The following SON variants were observed in gnomAD, a reference collection of about 807,000 sequenced individuals.
The protein encoded by SON is protein SON.
In SON, 4 loss-of-function variants were observed where a neutral mutation model predicts 173.3. The observed-to-expected ratio is 0.02, with a 90% CI of 0.01 to 0.05. The LOEUF is 0.05. SON is among the 10% of genes least tolerant of loss of function. The pLI, the probability that SON is intolerant of heterozygous loss-of-function variation, is 1.00. For missense variants in SON, 2,626 were observed against 3,055.3 expected, an observed-to-expected ratio of 0.86 and a Z score of 3.31; for synonymous variants, 1,190 against 1,105.9, an observed-to-expected ratio of 1.08 and a Z score of -1.51.
chr21:33,550,076 C>G lies in SON; in HGVS notation c.845C>G (p.Thr282Arg), dbSNP rs767183478. The G allele has an allele frequency of 1.2e-6, 2 of 1,614,098 alleles. No homozygotes were observed. The highest frequency in any genetic ancestry group is 2.2e-5 in the South Asian group (2 of 91,088). Residue 282 changes from threonine to arginine, a missense_variant, in exon 3 of 12, where the codon ACA becomes AGA. Transcript: ENST00000356577. ...TCTGTGCTGAAATCTGTGGAGAGCA[C>G]ATCTCCAGAGCCATCAAAGATCATG... The part of the protein sequence containing the change: ...MKSVLKSVES[T>R]SPEPSKIMLV...
In SON at chr21:33,549,996, G is replaced by T; in HGVS notation, c.765G>T (p.Leu255=). The T allele has an allele frequency of 6.2e-7, 1 of 1,614,110 alleles. No homozygotes were observed. The highest frequency in any genetic ancestry group is 8.5e-7 in the Non-Finnish European group (1 of 1,180,024). ...FAAAPVPTTT[L]VLKSSEPVVT... ...CAGCACCAGTGCCTACTACAACACT[G>T]GTGTTGAAGTCATCTGAGCCAGTTG... The change falls in exon 3 of 12, where the codon CTG becomes CTT. Residue 255 remains leucine, a synonymous_variant. Coordinates refer to ENST00000356577, the MANE Select transcript of SON (RefSeq NM_138927.4).
At chr21:33,560,291 C>T in intron 6 of SON, 1 of 1,416,682 alleles carries the variant, frequency 7.1e-7, no homozygotes, top group Non-Finnish European at 9.2e-7. Context: ...GGTTGTTTGT[C>T]AGATAGCCTT....
chr21:33,549,403 A>C, intron 2 of SON, 73 bp from the exon 3 acceptor site: 1 of 1,296,950 alleles, frequency 7.7e-7, no homozygotes, highest in Non-Finnish European at 1.1e-6. Context: ...TGGAATGTAA[A>C]TATGGGTTTA....
chr21:33,555,528 A>G lies in SON; in HGVS notation c.6160+137A>G, dbSNP rs200121184. The G allele has an allele frequency of 1.8e-4, 141 of 765,246 alleles. No homozygotes were observed. The East Asian group carries it at 4.3e-3, about 23-fold the overall frequency. 47.4% of individuals were successfully genotyped at this position (765,246 alleles called of 1,614,324 possible). A position where few individuals can be genotyped will look rare whatever the true frequency, so the allele number is the denominator to read the frequency against. ...TCTGTCTTTAAGTTTTTATTATTAC[A>G]TGGTACTGTATTTAGGAACTACTGG... On this transcript the variant is annotated intron_variant, in intron 3 of 11. Transcript: ENST00000356577.
chr21:33,576,004 G>C (rs2086391446), intron 11 of SON, 111 bp downstream of exon 11: 2 of 587,446 alleles, frequency 3.4e-6, no homozygotes, highest in Non-Finnish European at 5.9e-6. Flanking sequence ...TGGGGGGTTT[G>C]TATTTGTAGT....
At position 33,576,864 on chromosome 21, in the gene SON, TA is replaced by T; in HGVS notation, c.*441del. Reference sequence around the variant, plus strand: ...TGTGGAATGTTAAATAACGCTTTTATACTGTATTTTGTACTATGATGTAACT... The same window carrying T: ...TGTGGAATGTTAAATAACGCTTTTATCTGTATTTTGTACTATGATGTAACT... On this transcript the variant is annotated 3_prime_UTR_variant, in exon 12 of 12. Coordinates refer to ENST00000356577, the MANE Select transcript of SON (RefSeq NM_138927.4). 1.3e-5 allele frequency: 4 copies of T among 307,914 alleles called. No individual in the cohort carries two copies. The highest frequency in any genetic ancestry group is 2.6e-5 in the Non-Finnish European group (4 of 153,954). The allele number at this position is 307,914 out of a possible 1,614,324, so 19.1% of individuals were successfully genotyped here. A position where few individuals can be genotyped will look rare whatever the true frequency, so the allele number is the denominator to read the frequency against.
chr21:33,566,299 T>C (rs1182634834), intron 6 of SON, among the ~76,000 whole-genome samples: 2 of 152,116 alleles, frequency 1.3e-5, no homozygotes, highest in Admixed American at 1.3e-4. Context: ...CTCGAGCTTT[T>C]AATTTTAGAA....
Position 33,549,593 on chromosome 21 carries a change from A to G in SON, c.362A>G (p.Lys121Arg). ...AAGCACAAAAACAAAAAGAAGAAAAAGAAGAAAGAAAAGGAAAAAAAATAT... is the reference window on the plus strand; with the variant it reads ...AAGCACAAAAACAAAAAGAAGAAAAGGAAGAAAGAAAAGGAAAAAAAATAT... Reference protein sequence around the residue: ...HKKHKNKKKKKKKEKEKKYKR... With the variant: ...HKKHKNKKKKRKKEKEKKYKR... Residue 121 changes from lysine (K) to arginine (R), a missense_variant, in exon 3 of 12, where the codon AAG becomes AGG. Physicochemically the swap from Lys to Arg is conservative, Grantham distance 26. Coordinates refer to ENST00000356577, the MANE Select transcript of SON (RefSeq NM_138927.4). 7 of 1,589,430 alleles carry G rather than the reference A, an allele frequency of 4.4e-6. No homozygotes were observed. The highest frequency in any genetic ancestry group is 6.0e-6 in the Non-Finnish European group (7 of 1,173,142).
chr21:33,555,080 G>A lies in SON; in HGVS notation c.5849G>A (p.Ser1950Asn). Reference sequence around the variant, plus strand: ...TCTGTGGGTAGAAGAAGGAGCTTTAGCATTTCCCCAAGCCGCCGCAGCCGC... The same window carrying A: ...TCTGTGGGTAGAAGAAGGAGCTTTAACATTTCCCCAAGCCGCCGCAGCCGC... ...SRSVGRRRSF[S>N]ISPSRRSRTP... is the part of the protein sequence containing the mutation. The change falls in exon 3 of 12, where the codon AGC becomes AAC. Residue 1950 changes from serine to asparagine, a missense_variant. Coordinates refer to ENST00000356577, the MANE Select transcript of SON (RefSeq NM_138927.4). The A allele has an allele frequency of 6.2e-7, 1 of 1,604,054 alleles. No homozygotes were observed. Among genetic ancestry groups the A allele is most frequent in the South Asian group, 1.1e-5 (1 of 90,162 alleles).
At chr21:33,575,280 C>T (rs2086374524) in intron 9 of SON, among the ~76,000 whole-genome samples, 1 of 152,148 alleles carries the variant, frequency 6.6e-6, no homozygotes, top group Admixed American at 6.5e-5. Flanking sequence ...AGGAGATCCA[C>T]CCGCCTCGGC....
Position 33,559,801 on chromosome 21 carries a change from T to C in SON, c.6657+26T>C. Reference sequence around the variant, plus strand: ...GTAAGTAGGAGGAATATTATGTATTTTTCCTTTTTTATACCTGAATCTGCC... The same window carrying C: ...GTAAGTAGGAGGAATATTATGTATTCTTCCTTTTTTATACCTGAATCTGCC... On this transcript the variant is annotated intron_variant, in intron 6 of 11. Coordinates refer to ENST00000356577, the MANE Select transcript of SON (RefSeq NM_138927.4). The surrounding 1 kb of genome is among the most constrained non-coding windows in gnomAD (Gnocchi z 4.1). The C allele has an allele frequency of 1.9e-6, 3 of 1,607,972 alleles. No individual in the cohort carries two copies. The highest frequency in any genetic ancestry group is 1.7e-6 in the Non-Finnish European group (2 of 1,176,378).
In SON at chr21:33,557,272, G is replaced by T. The variant is rs1457769791; in HGVS notation, c.6277G>T (p.Val2093Phe). ...PAPPPTIEEK[V>F]AKKSGGATIE... is the part of the protein sequence containing the mutation. ...ACCTCCACCTACTATAGAAGAGAAA[G>T]TTGCTAAAAAGTCAGGAGGAGCTAC... Residue 2093 changes from valine (V) to phenylalanine (F), a missense_variant, in exon 4 of 12, where the codon GTT becomes TTT. By Grantham distance (50) the Val-to-Phe change is conservative. Transcript: ENST00000356577. The T allele has an allele frequency of 6.2e-7, 1 of 1,613,568 alleles. No individual in the cohort carries two copies. Among genetic ancestry groups the T allele is most frequent in the Non-Finnish European group, 8.5e-7 (1 of 1,179,948 alleles).
chr21:33,568,932 A>G (rs748055645), intron 7 of SON, 39 bp from the exon 8 acceptor site: 21 of 1,193,096 alleles, frequency 1.8e-5, no homozygotes, highest in Admixed American at 1.9e-5. Flanking sequence ...TTAATCAGGT[A>G]ATTTTACTTA....
In SON at chr21:33,553,478, C is replaced by G; in HGVS notation, c.4247C>G (p.Ser1416Cys). 4 of 1,614,250 alleles carry G rather than the reference C, an allele frequency of 2.5e-6. No individual in the cohort carries two copies. The highest frequency in any genetic ancestry group is 3.4e-6 in the Non-Finnish European group (4 of 1,180,046). The change falls in exon 3 of 12, where the codon TCT (serine) becomes TGT (cysteine). Residue 1416 changes from serine (S) to cysteine (C), a missense_variant. Coordinates refer to ENST00000356577, the MANE Select transcript of SON (RefSeq NM_138927.4). Reference protein sequence around the residue: ...PVPVVSALEPSVPVLEPAVSV... With the variant: ...PVPVVSALEPCVPVLEPAVSV... ...CCAGTTGTTTCTGCGCTGGAGCCTT[C>G]TGTGCCTGTTCTGGAACCAGCGGTG...
At chr21:33,570,476 A>G (rs913280289) in intron 8 of SON, among the ~76,000 whole-genome samples, 3 of 152,222 alleles carry the variant, frequency 2.0e-5, no homozygotes, top group Admixed American at 6.5e-5. Flanking sequence ...GTGTATAGTG[A>G]GTACACAGTT....
intron 4 of SON, 144 bp downstream of exon 4, chr21:33,557,460 G>A (rs531910573): frequency 1.7e-5 from 27 of 1,544,210 alleles, no homozygotes; most frequent in Admixed American, 3.9e-5. Context: ...ATGTGGCAGC[G>A]GCAGAAGCTC....
chr21:33,566,389 T>A (rs2145866611), intron 6 of SON, among the ~76,000 whole-genome samples: 1 of 152,280 alleles, frequency 6.6e-6, no homozygotes, highest in South Asian at 2.1e-4. Flanking sequence ...AAATTAAGAA[T>A]TGGCTCCAAA....
In SON at chr21:33,554,604, A is replaced by G. The variant is rs1444522349; in HGVS notation, c.5373A>G (p.Glu1791=). Residue 1791 remains glutamate (E), a synonymous_variant, in exon 3 of 12, where the codon GAA becomes GAG. Coordinates refer to ENST00000356577, the MANE Select transcript of SON (RefSeq NM_138927.4). Reference sequence around the variant, plus strand: ...CTTCAGAGGAAAAAGATGATTATGAAATTTTTGTAAAAGTTAAGGACACTC... The same window carrying G: ...CTTCAGAGGAAAAAGATGATTATGAGATTTTTGTAAAAGTTAAGGACACTC... ...ESSSEEKDDY[E]IFVKVKDTHE... is the part of the protein sequence containing the mutation. The G allele has an allele frequency of 1.2e-6, 2 of 1,613,842 alleles. No individual in the cohort carries two copies. Among genetic ancestry groups the G allele is most frequent in the African/African-American group, 2.7e-5 (2 of 74,892 alleles).
intron 9 of SON, among the ~76,000 whole-genome samples, chr21:33,575,199 C>T (rs949844219): frequency 6.6e-6 from 1 of 152,066 alleles, no homozygotes; most frequent in African/African-American, 2.4e-5. Context: ...CCACGCCCGG[C>T]TAATTTTTGT....
Sources: gnomAD v4.1 joint callset for allele counts (sites outside exome capture counted in the v4.1 genomes callset) on GRCh38, gnomAD v4.1.1 for gene constraint, Gnocchi (gnomAD v3.1) non-coding constraint, MANE v1.5 for transcripts, NCBI Gene and HGNC (gene_info 2026-07-23, HGNC 2026-07-21) for gene names.